The following KIAA1217 variants were observed in gnomAD, a reference collection of about 807,000 sequenced individuals.
KIAA1217 encodes the protein KIAA1217.
Under a neutral mutation model 163.9 loss-of-function variants are expected in KIAA1217, and 88 were observed. The observed-to-expected ratio is 0.54, with a 90% CI of 0.45 to 0.64. KIAA1217 has a LOEUF of 0.64. Ranked by LOEUF, KIAA1217 falls within the 30% of genes least tolerant of loss-of-function variation. The probability of loss-of-function intolerance (pLI) is 0.00; values close to 1 mark genes in which losing one functional copy is unlikely to be tolerated. For synonymous variants in KIAA1217, 903 were observed against 923.1 expected (o/e 0.98, Z 0.39); for missense variants, 2,372 against 2,475.0 (o/e 0.96, Z 0.88).
intron 4 of KIAA1217, among the ~76,000 whole-genome samples, chr10:24,433,688 C>T (rs914085629): frequency 2.6e-5 from 4 of 152,112 alleles, no homozygotes; most frequent in African/African-American, 9.7e-5. Flanking sequence ...TGGAACTTTC[C>T]CAATTCCCCC....
At chr10:23,750,411 T>C (rs1839671017) in intron 1 of KIAA1217, among the ~76,000 whole-genome samples, 1 of 152,216 alleles carries the variant, frequency 6.6e-6, no homozygotes, top group South Asian at 2.1e-4. Flanking sequence ...TTCTTTCTAA[T>C]GTGTCTGTTT....
At chr10:24,350,371 C>T (rs767937882) in intron 2 of KIAA1217, among the ~76,000 whole-genome samples, 1 of 152,114 alleles carries the variant, frequency 6.6e-6, no homozygotes, top group East Asian at 1.9e-4. Flanking sequence ...TGGTTTAGAT[C>T]GTGAACTACC....
chr10:24,194,276 T>TCCCTCCTCTCTCCTC (rs2066871776), intron 2 of KIAA1217, among the ~76,000 whole-genome samples: 72 of 134,274 alleles, frequency 5.4e-4, no homozygotes, highest in African/African-American at 2.2e-3. Context: ...GGCCTTCATT[T>TCCCTCCTCTCTCCTC]CCCTCCTCTC....
Position 24,490,571 on chromosome 10 carries a change from T to C in KIAA1217, c.1680-3929T>C, listed in dbSNP as rs530903882. Among the ~76,000 whole-genome samples, 61 of 152,360 alleles carry C rather than the reference T, an allele frequency of 4.0e-4. 1 individual carries two copies. The highest frequency in any genetic ancestry group is 1.4e-3 in the African/African-American group (59 of 41,586). ...ATTTATTAATGTATAAATCAGATAA[T>C]GTCCCCAATATGAATCCTGAAACCA... is the stretch of plus-strand genomic sequence containing the variant. On this transcript the variant is annotated intron_variant, in intron 6 of 20. Coordinates refer to ENST00000376454, the MANE Select transcript of KIAA1217 (RefSeq NM_019590.5).
chr10:24,200,787 G>A (rs147436444), intron 2 of KIAA1217, among the ~76,000 whole-genome samples: 3 of 152,134 alleles, frequency 2.0e-5, no homozygotes, highest in Non-Finnish European at 2.9e-5. Context: ...AAGCTTGGGG[G>A]TGATGAAAGG....
chr10:23,942,994 C>T (rs939244352), intron 1 of KIAA1217, among the ~76,000 whole-genome samples: 6 of 150,808 alleles, frequency 4.0e-5, no homozygotes, highest in African/African-American at 1.5e-4. Context: ...TTGTGGCACA[C>T]ATACCTGTAG....
At chr10:24,277,324 T>C (rs543594199) in intron 2 of KIAA1217, among the ~76,000 whole-genome samples, 4 of 152,274 alleles carry the variant, frequency 2.6e-5, no homozygotes, top group South Asian at 4.1e-4. Context: ...TGGTTCCCAC[T>C]CAAAGTGGAG....
chr10:24,264,250 A>C (rs1004982528), intron 2 of KIAA1217, among the ~76,000 whole-genome samples: 18 of 152,188 alleles, frequency 1.2e-4, no homozygotes, highest in Admixed American at 7.9e-4. Flanking sequence ...TTATCAAATA[A>C]AGGCCAAAAC....
chr10:23,845,454 T>C (rs905076820), intron 1 of KIAA1217, among the ~76,000 whole-genome samples: 3 of 152,164 alleles, frequency 2.0e-5, no homozygotes, highest in African/African-American at 7.2e-5. Flanking sequence ...TGGTATCTCA[T>C]TGTGGTTTTG....
At chr10:23,705,564 T>C (rs1836828667) in intron 1 of KIAA1217, among the ~76,000 whole-genome samples, 1 of 152,198 alleles carries the variant, frequency 6.6e-6, no homozygotes, top group Admixed American at 6.5e-5. Flanking sequence ...TGAGGGTTTA[T>C]TTATGGGGTC....
chr10:24,542,630 A>C, intron 17 of KIAA1217, 63 bp from the exon 18 acceptor site: 1 of 1,590,216 alleles, frequency 6.3e-7, no homozygotes, highest in Non-Finnish European at 8.6e-7. Flanking sequence ...CGATTTAGTT[A>C]TAGTCCACTT....
At chr10:23,939,332 C>T (rs191578801) in intron 1 of KIAA1217, among the ~76,000 whole-genome samples, 1,759 of 152,118 alleles carry the variant, frequency 0.012, 29 homozygotes, top group African/African-American at 0.04. Context: ...AATCCCTATA[C>T]GGGGAGGCAT....
At chr10:23,718,814 A>G (rs1005959577) in intron 1 of KIAA1217, among the ~76,000 whole-genome samples, 1 of 151,030 alleles carries the variant, frequency 6.6e-6, no homozygotes, top group Non-Finnish European at 1.5e-5. Flanking sequence ...TTGGGGCCAT[A>G]CAACTTGGAG....
At chr10:24,209,358 AG>A in intron 1 of KIAA1217, 95 bp downstream of exon 1, 14 of 772,726 alleles carry the variant, frequency 1.8e-5, no homozygotes, top group Middle Eastern at 2.4e-4. Flanking sequence ...GACCCGGCAA[AG>A]GAAAAAAAAA....
chr10:24,540,809 G>A (rs951578492), intron 17 of KIAA1217, among the ~76,000 whole-genome samples: 20 of 151,970 alleles, frequency 1.3e-4, no homozygotes, highest in South Asian at 4.2e-4. Flanking sequence ...TCTGTCGCCC[G>A]GGAGGCTGGA....
chr10:23,779,716 C>T (rs554825388), intron 1 of KIAA1217, among the ~76,000 whole-genome samples: 2 of 152,144 alleles, frequency 1.3e-5, no homozygotes, highest in African/African-American at 4.8e-5. Flanking sequence ...CAGATATTCA[C>T]TTAATGTACA....
chr10:23,970,906 G>T (rs929793559), intron 1 of KIAA1217, among the ~76,000 whole-genome samples: 2 of 152,162 alleles, frequency 1.3e-5, no homozygotes, highest in Non-Finnish European at 2.9e-5. Flanking sequence ...ACTGAGGGGG[G>T]GATAAGGCAG....
chr10:24,250,967 C>G (rs924763711), intron 2 of KIAA1217, among the ~76,000 whole-genome samples: 2 of 151,786 alleles, frequency 1.3e-5, no homozygotes, highest in Admixed American at 6.6e-5. Context: ...TGGCTCACAC[C>G]TGTAATCACA....
At chr10:24,323,014 A>C (rs2044373999) in intron 2 of KIAA1217, among the ~76,000 whole-genome samples, 2 of 151,948 alleles carry the variant, frequency 1.3e-5, no homozygotes, top group Admixed American at 1.3e-4. Flanking sequence ...GCAGTGCCAC[A>C]CTCGTAGCTC....
Sources: gnomAD v4.1 joint callset for allele counts (sites outside exome capture counted in the v4.1 genomes callset) on GRCh38, gnomAD v4.1.1 for gene constraint, MANE v1.5 for transcripts, NCBI Gene and HGNC (gene_info 2026-07-23, HGNC 2026-07-21) for gene names.